Variants in ADCY9 observed in about 807,000 individuals in gnomAD.
ADCY9 encodes the protein adenylate cyclase type 9.
In ADCY9, 50 loss-of-function variants were observed where a neutral mutation model predicts 101.5. The observed-to-expected ratio is 0.49, with a 90% confidence interval of 0.39 to 0.62. ADCY9 has a LOEUF of 0.62. Among genes scored for constraint, ADCY9 ranks in the 20% least tolerant of loss-of-function variants. The pLI is 0.00. For missense variants in ADCY9, 1,662 were observed against 1,800.4 expected, an observed-to-expected ratio of 0.92 and a Z score of 1.39; for synonymous variants, 905 against 769.3, an observed-to-expected ratio of 1.18 and a Z score of -2.92.
intron 2 of ADCY9, among the ~76,000 whole-genome samples, chr16:4,017,098 A>T (rs1476604421): frequency 2.6e-5 from 4 of 151,570 alleles, no homozygotes; most frequent in African/African-American, 7.3e-5. Context: ...CAGGAAATGA[A>T]GGCTGCAGTG....
At chr16:4,095,250 C>G (rs890656727) in intron 2 of ADCY9, among the ~76,000 whole-genome samples, 1 of 152,184 alleles carries the variant, frequency 6.6e-6, no homozygotes, top group African/African-American at 2.4e-5. Flanking sequence ...ATCCACATGC[C>G]TCAGCCTCCC....
At chr16:3,967,328 TTTC>T (rs1472153037) in intron 10 of ADCY9, among the ~76,000 whole-genome samples, 83 of 149,740 alleles carry the variant, frequency 5.5e-4, no homozygotes, top group African/African-American at 1.9e-3. Flanking sequence ...GGTAATCGTT[TTTC>T]TTTTCTTTTT....
intron 5 of ADCY9, among the ~76,000 whole-genome samples, chr16:3,991,255 C>G (rs901442946): frequency 2.0e-5 from 3 of 152,248 alleles, no homozygotes; most frequent in African/African-American, 7.2e-5. Context: ...TATAATAACC[C>G]TAGATGAGAC....
At chr16:4,097,336 G>A (rs1481934158) in intron 2 of ADCY9, among the ~76,000 whole-genome samples, 2 of 151,116 alleles carry the variant, frequency 1.3e-5, no homozygotes, top group African/African-American at 4.9e-5. Flanking sequence ...TCTATTTAAT[G>A]AACCACTCAG....
At chr16:4,021,481 G>T (rs1328763503) in intron 2 of ADCY9, among the ~76,000 whole-genome samples, 1 of 152,162 alleles carries the variant, frequency 6.6e-6, no homozygotes, top group Admixed American at 6.5e-5. Context: ...CTACCCACCT[G>T]CCAACCTATC....
In ADCY9 at chr16:4,114,582, G is replaced by A. The variant is rs772479256; in HGVS notation, c.861C>T (p.Leu287=). The part of the protein sequence containing the change: ...LHWELLSRGL[L]HGCIHAIGVH... ...CCCCGATGGCGTGGATGCAGCCGTG[G>A]AGCAGCCCCCTGCTCAGCAGCTCCC... Residue 287 remains leucine (L), a synonymous_variant, in exon 2 of 11, where the codon CTC becomes CTT. Transcript: ENST00000294016. The surrounding 1 kb of genome is among the most constrained non-coding windows in gnomAD (Gnocchi z 4.3). The A allele has an allele frequency of 3.1e-6, 5 of 1,613,972 alleles. No individual in the cohort carries two copies. The highest frequency in any genetic ancestry group is 2.2e-5 in the East Asian group (1 of 44,888).
intron 2 of ADCY9, among the ~76,000 whole-genome samples, chr16:4,101,281 A>ATTTTTTTT (rs34733913): frequency 1.5e-5 from 2 of 135,528 alleles, no homozygotes. Flanking sequence ...TGTTCAGGTG[A>ATTTTTTTT]TTTTTTTTTT....
Position 4,000,686 on chromosome 16 carries a change from G to A in ADCY9, c.1884+6682C>T, listed in dbSNP as rs1307443652. Among the ~76,000 whole-genome samples the A allele has an allele frequency of 5.9e-5, 9 of 152,040 alleles. No individual in the cohort carries two copies. In the East Asian group the frequency reaches 1.7e-3, roughly 29 times the overall value. ...ACACACAATCTCAGAGCCACACGGG[G>A]CGGAGTCGAAAAGTCCCTGGACCTC... On this transcript the variant is annotated intron_variant, in intron 3 of 10. Transcript: ENST00000294016.
intron 2 of ADCY9, among the ~76,000 whole-genome samples, chr16:4,091,806 T>C (rs1373077154): frequency 6.6e-6 from 1 of 152,200 alleles, no homozygotes; most frequent in Admixed American, 6.5e-5. Flanking sequence ...GTGCTAGGGC[T>C]TGGGAGCTGG....
intron 2 of ADCY9, among the ~76,000 whole-genome samples, chr16:4,104,351 C>T (rs572940180): frequency 6.6e-6 from 1 of 152,278 alleles, no homozygotes; most frequent in East Asian, 1.9e-4. Flanking sequence ...TAAAATCACA[C>T]CTGGGTAAAA....
At chr16:4,049,405 C>T (rs1255874474) in intron 2 of ADCY9, among the ~76,000 whole-genome samples, 1 of 152,174 alleles carries the variant, frequency 6.6e-6, no homozygotes, top group African/African-American at 2.4e-5. Context: ...GGCACAATCC[C>T]CCAACATGTT....
intron 2 of ADCY9, among the ~76,000 whole-genome samples, chr16:4,034,258 G>C (rs887019711): frequency 6.6e-6 from 1 of 152,170 alleles, no homozygotes; most frequent in East Asian, 1.9e-4. Context: ...CGTACCCCTT[G>C]TCAACTTGGT....
chr16:4,035,545 G>A (rs1276750889), intron 2 of ADCY9, among the ~76,000 whole-genome samples: 2 of 152,106 alleles, frequency 1.3e-5, no homozygotes, highest in African/African-American at 2.4e-5. Flanking sequence ...AGATTGCCTC[G>A]CAAAGCCTAT....
intron 2 of ADCY9, among the ~76,000 whole-genome samples, chr16:4,009,576 T>C (rs1233198140): frequency 6.6e-6 from 1 of 152,200 alleles, no homozygotes; most frequent in African/African-American, 2.4e-5. Context: ...TCTTTCACTC[T>C]TACTTAGCTC....
At chr16:4,113,698 AATACAATCAGG>A in intron 2 of ADCY9, 41 bp downstream of exon 2, 1 of 1,540,978 alleles carries the variant, frequency 6.5e-7, no homozygotes, top group Non-Finnish European at 8.7e-7. Flanking sequence ...TTTTTAATTT[AATACAATCAGG>A]ATCAGGGAGG....
At chr16:4,002,050 G>A (rs191529005) in intron 3 of ADCY9, among the ~76,000 whole-genome samples, 51 of 152,196 alleles carry the variant, frequency 3.4e-4, no homozygotes, top group African/African-American at 1.2e-3. Context: ...ACCTGGCGGA[G>A]ACTACCCTTT....
intron 2 of ADCY9, among the ~76,000 whole-genome samples, chr16:4,038,223 G>A (rs964392266): frequency 6.6e-6 from 1 of 151,714 alleles, no homozygotes; most frequent in African/African-American, 2.4e-5. Flanking sequence ...CCAGGCTGCA[G>A]TGAGCCGTGA....
At chr16:4,086,797 T>C (rs996021683) in intron 2 of ADCY9, among the ~76,000 whole-genome samples, 1 of 152,082 alleles carries the variant, frequency 6.6e-6, no homozygotes, top group Admixed American at 6.5e-5. Context: ...GTAGCTGGAA[T>C]TACAGGCATG....
chr16:4,048,531 G>C (rs577956340), intron 2 of ADCY9, among the ~76,000 whole-genome samples: 1 of 152,220 alleles, frequency 6.6e-6, no homozygotes, highest in African/African-American at 2.4e-5. Context: ...GAATAACATA[G>C]CCCTACAACT....
Sources: gnomAD v4.1 joint callset for allele counts (sites outside exome capture counted in the v4.1 genomes callset) on GRCh38, gnomAD v4.1.1 for gene constraint, Gnocchi (gnomAD v3.1) non-coding constraint, MANE v1.5 for transcripts, NCBI Gene and HGNC (gene_info 2026-07-23, HGNC 2026-07-21) for gene names.